Variants in RBFOX1 observed in about 807,000 individuals in gnomAD.
RBFOX1 encodes the protein RNA binding protein fox-1 homolog 1.
RBFOX1 carries 8 observed loss-of-function variants against 57.7 expected under a neutral mutation model. The observed-to-expected ratio is 0.14, with a 90% CI of 0.08 to 0.25. The LOEUF (loss-of-function observed/expected upper bound fraction) is 0.25, where lower values mean the gene tolerates loss of function less well. Among genes scored for constraint, RBFOX1 ranks in the 10% least tolerant of loss-of-function variants. RBFOX1 has a pLI of 1.00. For synonymous variants in RBFOX1, 326 were observed against 222.4 expected (o/e 1.47, Z -4.15); for missense variants, 611 against 548.5 (o/e 1.11, Z -1.14).
chr16:5,424,447 GC>G (rs2067450687), intron 1 of RBFOX1, among the ~76,000 whole-genome samples: 2 of 151,898 alleles, frequency 1.3e-5, no homozygotes. Flanking sequence ...AAATGGACAT[GC>G]TAACATTATG....
intron 4 of RBFOX1, among the ~76,000 whole-genome samples, chr16:7,081,606 C>G (rs1351927779): frequency 6.6e-6 from 1 of 152,144 alleles, no homozygotes; most frequent in Non-Finnish European, 1.5e-5. Context: ...TGTTCATTGA[C>G]TCAGTACAAA....
At chr16:6,261,994 A>G (rs2097704361) in intron 1 of RBFOX1, among the ~76,000 whole-genome samples, 1 of 151,992 alleles carries the variant, frequency 6.6e-6, no homozygotes, top group Admixed American at 6.6e-5. Flanking sequence ...ACACCATCGT[A>G]CTCCAGCCTG....
At chr16:6,605,388 G>C (rs540670690) in intron 2 of RBFOX1, among the ~76,000 whole-genome samples, 5 of 152,180 alleles carry the variant, frequency 3.3e-5, no homozygotes, top group South Asian at 2.1e-4. Flanking sequence ...TTGGAGTTTT[G>C]CTTTATTGAT....
chr16:5,751,902 G>C (rs554902017), intron 3 of RBFOX1, among the ~76,000 whole-genome samples: 1 of 152,226 alleles, frequency 6.6e-6, no homozygotes, highest in Admixed American at 6.5e-5. Flanking sequence ...AATACCATTT[G>C]ACCCAGCAAT....
At chr16:6,763,077 GTATTACGAGA>G (rs2076854708) in intron 3 of RBFOX1, among the ~76,000 whole-genome samples, 1 of 152,174 alleles carries the variant, frequency 6.6e-6, no homozygotes, top group African/African-American at 2.4e-5. Flanking sequence ...TATCAGGACT[GTATTACGAGA>G]ACTTATGTAA....
At chr16:6,278,426 C>G (rs369472657) in intron 1 of RBFOX1, among the ~76,000 whole-genome samples, 118 of 87,502 alleles carry the variant, frequency 1.3e-3, no homozygotes, top group African/African-American at 4.4e-3. Context: ...AGGCACAACA[C>G]AAGAAGAGTA....
intron 2 of RBFOX1, among the ~76,000 whole-genome samples, chr16:6,595,691 C>A (rs757573714): frequency 6.6e-6 from 1 of 152,186 alleles, no homozygotes; most frequent in Non-Finnish European, 1.5e-5. Flanking sequence ...TCTCTGGCTT[C>A]CCTTTTGTCC....
intron 3 of RBFOX1, among the ~76,000 whole-genome samples, chr16:7,033,461 A>G (rs1356780278): frequency 1.3e-5 from 2 of 152,158 alleles, no homozygotes; most frequent in Admixed American, 1.3e-4. Flanking sequence ...CGGAGGTTGC[A>G]GTGAGCCAAG....
chr16:7,050,555 C>T (rs975825793), intron 3 of RBFOX1, among the ~76,000 whole-genome samples: 8 of 152,088 alleles, frequency 5.3e-5, no homozygotes, highest in African/African-American at 1.7e-4. Flanking sequence ...CATGAGCAAC[C>T]GTGCCTGGCC....
chr16:6,804,178 G>C (rs1472770991), intron 3 of RBFOX1, among the ~76,000 whole-genome samples: 1 of 151,772 alleles, frequency 6.6e-6, no homozygotes, highest in Non-Finnish European at 1.5e-5. Flanking sequence ...CAGCTAACTT[G>C]TTTGTATTTT....
intron 5 of RBFOX1, among the ~76,000 whole-genome samples, chr16:7,520,085 C>T (rs1240382332): frequency 6.6e-6 from 1 of 152,102 alleles, no homozygotes. Context: ...CGGGATTTCA[C>T]TGTGTTATCC....
At chr16:6,942,274 C>T (rs554635522) in intron 3 of RBFOX1, among the ~76,000 whole-genome samples, 82 of 152,174 alleles carry the variant, frequency 5.4e-4, no homozygotes, top group East Asian at 3.1e-3. Context: ...AGTGAGACTC[C>T]ATCTCACAAA....
intron 3 of RBFOX1, among the ~76,000 whole-genome samples, chr16:6,865,736 C>T (rs2059801762): frequency 1.3e-5 from 2 of 152,108 alleles, no homozygotes; most frequent in South Asian, 4.1e-4. Context: ...TATTTTATCA[C>T]CTTTCACAAA....
chr16:7,037,159 C>A (rs1418009213), intron 3 of RBFOX1, among the ~76,000 whole-genome samples: 1 of 151,728 alleles, frequency 6.6e-6, no homozygotes, highest in Admixed American at 6.6e-5. Context: ...CTTGTGCTGA[C>A]CTCCTATCTT....
chr16:7,565,273 C>T (rs2091395458), intron 5 of RBFOX1, among the ~76,000 whole-genome samples: 1 of 151,876 alleles, frequency 6.6e-6, no homozygotes, highest in Admixed American at 6.6e-5. Flanking sequence ...ATTTTTCTTC[C>T]CCCGCCCGCC....
At chr16:6,319,264 AAATT>A (rs1464149768) in intron 2 of RBFOX1, among the ~76,000 whole-genome samples, 1 of 152,164 alleles carries the variant, frequency 6.6e-6, no homozygotes, top group East Asian at 1.9e-4. Flanking sequence ...TGGCTTCAGA[AAATT>A]AATTTTCATT....
intron 4 of RBFOX1, among the ~76,000 whole-genome samples, chr16:7,201,835 T>A (rs2346607): frequency 6.6e-6 from 1 of 152,062 alleles, no homozygotes; most frequent in Non-Finnish European, 1.5e-5. Flanking sequence ...GTTAGGAAGC[T>A]CATTTGGGCA....
At chr16:6,091,327 A>G (rs1379267866) in intron 1 of RBFOX1, among the ~76,000 whole-genome samples, 1 of 152,190 alleles carries the variant, frequency 6.6e-6, no homozygotes, top group African/African-American at 2.4e-5. Context: ...TTTCGTCAGA[A>G]GAAGATTTGT....
At chr16:6,451,564 T>C (rs139344153) in intron 2 of RBFOX1, among the ~76,000 whole-genome samples, 9 of 152,268 alleles carry the variant, frequency 5.9e-5, no homozygotes, top group African/African-American at 2.2e-4. Flanking sequence ...GTGTGTTTTG[T>C]AGGTATTACC....
Sources: gnomAD v4.1 joint callset for allele counts (sites outside exome capture counted in the v4.1 genomes callset) on GRCh38, gnomAD v4.1.1 for gene constraint, MANE v1.5 for transcripts, NCBI Gene and HGNC (gene_info 2026-07-23, HGNC 2026-07-21) for gene names.